Variants in PDZRN3 observed in about 807,000 individuals in gnomAD.
The protein encoded by PDZRN3 is E3 ubiquitin-protein ligase PDZRN3.
PDZRN3 carries 38 observed loss-of-function variants against 85.7 expected under a neutral mutation model. The observed-to-expected ratio is 0.44, with a 90% CI of 0.34 to 0.58. The LOEUF (loss-of-function observed/expected upper bound fraction) is 0.58, where lower values mean the gene tolerates loss of function less well. Ranked by LOEUF, PDZRN3 falls within the 20% of genes least tolerant of loss-of-function variation. PDZRN3 has a pLI of 0.01. For synonymous variants in PDZRN3, 759 were observed against 638.0 expected (o/e 1.19, Z -2.86); for missense variants, 1,629 against 1,506.4 (o/e 1.08, Z -1.35).
intron 3 of PDZRN3, among the ~76,000 whole-genome samples, chr3:73,456,461 T>C (rs1702979400): frequency 1.3e-5 from 2 of 152,232 alleles, no homozygotes; most frequent in Non-Finnish European, 2.9e-5. Context: ...TGAAACAAAA[T>C]AATGTCTATT....
intron 2 of PDZRN3, among the ~76,000 whole-genome samples, chr3:73,606,742 AT>A (rs1269762514): frequency 6.6e-6 from 1 of 152,206 alleles, no homozygotes; most frequent in Admixed American, 6.5e-5. Flanking sequence ...TGTATGTTTG[AT>A]AAGACAGATA....
At chr3:73,539,635 G>A (rs1169391610) in intron 3 of PDZRN3, among the ~76,000 whole-genome samples, 1 of 152,050 alleles carries the variant, frequency 6.6e-6, no homozygotes, top group African/African-American at 2.4e-5. Flanking sequence ...AGCACCAACT[G>A]CAAGATGAAC....
chr3:73,461,339 C>T (rs944773622), intron 3 of PDZRN3, among the ~76,000 whole-genome samples: 2 of 152,102 alleles, frequency 1.3e-5, no homozygotes, highest in African/African-American at 4.8e-5. Context: ...GCAGATAATT[C>T]AGGAAGCTAT....
At chr3:73,533,538 T>G (rs1355035220) in intron 3 of PDZRN3, among the ~76,000 whole-genome samples, 7 of 152,124 alleles carry the variant, frequency 4.6e-5, no homozygotes, top group Admixed American at 3.3e-4. Flanking sequence ...CAAAGGACTT[T>G]AAAAAATTGT....
At position 73,597,890 on chromosome 3, in the gene PDZRN3, C is replaced by A. The variant is rs370114384; in HGVS notation, c.918+4464G>T. 1.8e-4 allele frequency among the ~76,000 whole-genome samples: 28 copies of A among 151,976 alleles called. No homozygotes were observed. In the East Asian group the frequency reaches 3.1e-3, roughly 17 times the overall value. On this transcript the variant is annotated intron_variant, in intron 3 of 9. Coordinates refer to ENST00000263666, the MANE Select transcript of PDZRN3 (RefSeq NM_015009.3). ...CAAATGAGGTATTCACAGAACAATC[C>A]AAAAACTCCATATGACAGTCAACTG...
Position 73,413,948 on chromosome 3 carries a change from C to T in PDZRN3, c.919-9553G>A, listed in dbSNP as rs530858821. Among the ~76,000 whole-genome samples, 30 of 152,288 alleles carry T rather than the reference C, an allele frequency of 2.0e-4. 1 individual carries two copies. The South Asian group carries it at 6.2e-3, about 32-fold the overall frequency. Reference sequence around the variant, plus strand: ...TTAACAAGCAGGATGGAGAAAAACACTAGTTGTGGATCTTCACTAACCTAC... The same window carrying T: ...TTAACAAGCAGGATGGAGAAAAACATTAGTTGTGGATCTTCACTAACCTAC... On this transcript the variant is annotated intron_variant, in intron 3 of 9. Transcript: ENST00000263666.
In PDZRN3 at chr3:73,624,781, G is replaced by A; in HGVS notation, c.45C>T (p.Asp15=). ...LDRFDGDVDP[D]LKCALCHKVL... ...CCTTGTGGCACAGCGCGCACTTCAG[G>A]TCCGGGTCCACGTCGCCGTCGAAGC... Residue 15 remains aspartate, a synonymous_variant, in exon 1 of 10, where the codon GAC becomes GAT. Transcript: ENST00000263666. 1 of 1,423,046 alleles carries A rather than the reference G, an allele frequency of 7.0e-7. No homozygotes were observed. Among genetic ancestry groups the A allele is most frequent in the Non-Finnish European group, 9.2e-7 (1 of 1,091,440 alleles). The allele number at this position is 1,423,046 out of a possible 1,614,324, so 88.2% of individuals were successfully genotyped here. A position where few individuals can be genotyped will look rare whatever the true frequency, so the allele number is the denominator to read the frequency against.
intron 3 of PDZRN3, among the ~76,000 whole-genome samples, chr3:73,497,811 G>GCCCCCC (rs560413469): frequency 6.8e-6 from 1 of 146,262 alleles, no homozygotes; most frequent in Non-Finnish European, 1.5e-5. Flanking sequence ...CCCCGTCCCC[G>GCCCCCC]CCCCCGCCAA....
chr3:73,624,810 C>G lies in PDZRN3; in HGVS notation c.16G>C (p.Asp6His). ...GGGTCCACGTCGCCGTCGAAGCGGT[C>G]CAGCTCGAAGCCCATGGTGGCGGCC... is the stretch of plus-strand genomic sequence containing the variant. Reference protein sequence around the residue: MGFELDRFDGDVDPDL... With the variant: MGFELHRFDGDVDPDL... The change falls in exon 1 of 10, where the codon GAC becomes CAC. Residue 6 changes from aspartate to histidine, a missense_variant. Transcript: ENST00000263666. The G allele has an allele frequency of 1.5e-6, 2 of 1,364,194 alleles. No homozygotes were observed. Among genetic ancestry groups the G allele is most frequent in the Non-Finnish European group, 1.9e-6 (2 of 1,061,906 alleles). The allele number at this position is 1,364,194 out of a possible 1,614,324, so 84.5% of individuals were successfully genotyped here. A position where few individuals can be genotyped will look rare whatever the true frequency, so the allele number is the denominator to read the frequency against.
chr3:73,520,637 A>G (rs1308454021), intron 3 of PDZRN3, among the ~76,000 whole-genome samples: 1 of 152,170 alleles, frequency 6.6e-6, no homozygotes, highest in Non-Finnish European at 1.5e-5. Context: ...GGGCGGGAAA[A>G]GGAAAAAGGA....
chr3:73,383,179 G>C lies in PDZRN3; in HGVS notation c.*186C>G, dbSNP rs1703284308. The C allele has an allele frequency of 1.9e-6, 1 of 537,220 alleles. No individual in the cohort carries two copies. Among genetic ancestry groups the C allele is most frequent in the South Asian group, 3.3e-5 (1 of 30,514 alleles). 33.3% of individuals were successfully genotyped at this position (537,220 alleles called of 1,614,324 possible). A position where few individuals can be genotyped will look rare whatever the true frequency, so the allele number is the denominator to read the frequency against. The stretch of plus-strand genomic sequence containing the variant: ...TAATATTGCCTTCCAAGATAGTAAG[G>C]GTGTTTTTCTCTCTCTTCCCTTAAA... On this transcript the variant is annotated 3_prime_UTR_variant, in exon 10 of 10. Coordinates refer to ENST00000263666, the MANE Select transcript of PDZRN3 (RefSeq NM_015009.3).
chr3:73,471,749 C>A (rs994398797), intron 3 of PDZRN3, among the ~76,000 whole-genome samples: 1 of 152,200 alleles, frequency 6.6e-6, no homozygotes, highest in African/African-American at 2.4e-5. Context: ...TTTCTAGTTC[C>A]CAGGCAAAAT....
chr3:73,568,439 C>T (rs1234857157), intron 3 of PDZRN3, among the ~76,000 whole-genome samples: 1 of 152,170 alleles, frequency 6.6e-6, no homozygotes, highest in African/African-American at 2.4e-5. Context: ...CTAGTTTTGA[C>T]TTGAGAAGTT....
intron 3 of PDZRN3, among the ~76,000 whole-genome samples, chr3:73,471,072 G>C (rs1354273924): frequency 6.6e-6 from 1 of 152,110 alleles, no homozygotes; most frequent in Non-Finnish European, 1.5e-5. Flanking sequence ...TTGGAAATAG[G>C]GTCTTTACAG....
At chr3:73,429,695 C>G (rs1238114848) in intron 3 of PDZRN3, among the ~76,000 whole-genome samples, 3 of 152,156 alleles carry the variant, frequency 2.0e-5, no homozygotes. Flanking sequence ...TTTTGCTTCT[C>G]AAAGCTAACA....
At chr3:73,425,654 C>A (rs551745439) in intron 3 of PDZRN3, among the ~76,000 whole-genome samples, 2 of 151,316 alleles carry the variant, frequency 1.3e-5, no homozygotes, top group African/African-American at 2.4e-5. Flanking sequence ...GGGTGAAGAG[C>A]GAGGTAAGGC....
chr3:73,436,702 G>C (rs757522519), intron 3 of PDZRN3, among the ~76,000 whole-genome samples: 1 of 152,060 alleles, frequency 6.6e-6, no homozygotes, highest in South Asian at 2.1e-4. Flanking sequence ...CTGTATTTCC[G>C]AGCAGTGGTT....
intron 3 of PDZRN3, among the ~76,000 whole-genome samples, chr3:73,479,615 A>C (rs1194096493): frequency 6.6e-6 from 1 of 152,172 alleles, no homozygotes; most frequent in Non-Finnish European, 1.5e-5. Flanking sequence ...TTGTAATAAG[A>C]GTTTGCTGAA....
chr3:73,434,497 A>G (rs1702494624), intron 3 of PDZRN3, among the ~76,000 whole-genome samples: 1 of 152,248 alleles, frequency 6.6e-6, no homozygotes, highest in Non-Finnish European at 1.5e-5. Flanking sequence ...GCTAGGGGTT[A>G]TAAGGAGAGA....
Sources: gnomAD v4.1 joint callset for allele counts (sites outside exome capture counted in the v4.1 genomes callset) on GRCh38, gnomAD v4.1.1 for gene constraint, MANE v1.5 for transcripts, NCBI Gene and HGNC (gene_info 2026-07-23, HGNC 2026-07-21) for gene names.